Variants in SUSD1 observed in about 807,000 individuals in gnomAD.
SUSD1 encodes sushi domain containing 1, also known as sushi domain-containing protein 1.
Under a neutral mutation model 86.9 loss-of-function variants are expected in SUSD1, and 65 were observed. That is an observed-to-expected ratio of 0.75 (90% CI 0.61 to 0.92). The LOEUF is 0.92. Among genes scored for constraint, SUSD1 ranks in the 40% least tolerant of loss-of-function variants. The pLI, the probability that SUSD1 is intolerant of heterozygous loss-of-function variation, is 0.00. For missense variants in SUSD1, 850 were observed against 929.7 expected, an observed-to-expected ratio of 0.91 and a Z score of 1.11; for synonymous variants, 346 against 350.0, an observed-to-expected ratio of 0.99 and a Z score of 0.13.
intron 2 of SUSD1, among the ~76,000 whole-genome samples, chr9:112,156,476 T>C (rs960199468): frequency 2.0e-5 from 3 of 148,838 alleles, no homozygotes; most frequent in Admixed American, 6.7e-5. Context: ...AAAAAAAAAA[T>C]ACTCACTGAA....
chr9:112,172,641 A>G (rs1834093538), intron 1 of SUSD1, among the ~76,000 whole-genome samples: 1 of 152,124 alleles, frequency 6.6e-6, no homozygotes, highest in Non-Finnish European at 1.5e-5. Flanking sequence ...AACATATACC[A>G]AGTCACCCAG....
At chr9:112,170,528 T>G (rs937407467) in intron 1 of SUSD1, among the ~76,000 whole-genome samples, 15 of 151,938 alleles carry the variant, frequency 9.9e-5, no homozygotes, top group Admixed American at 9.2e-4. Context: ...AACACCCTCC[T>G]GCCATATCAA....
chr9:112,064,423 C>G (rs1344235082), intron 12 of SUSD1, among the ~76,000 whole-genome samples: 1 of 152,176 alleles, frequency 6.6e-6, no homozygotes, highest in Non-Finnish European at 1.5e-5. Flanking sequence ...CAATTTTATC[C>G]CGAAACCATC....
At chr9:112,143,205 C>T (rs374499682) in intron 4 of SUSD1, among the ~76,000 whole-genome samples, 3 of 151,496 alleles carry the variant, frequency 2.0e-5, no homozygotes, top group African/African-American at 7.3e-5. Context: ...AGGCTGGTCT[C>T]GAACTCCTGA....
chr9:112,103,108 G>T, intron 8 of SUSD1: 1 of 454,926 alleles, frequency 2.2e-6, no homozygotes, highest in Non-Finnish European at 4.5e-6. Flanking sequence ...GTCTACCAGA[G>T]AGAAGCTATT....
chr9:112,151,877 A>G (rs1833062788), intron 2 of SUSD1, among the ~76,000 whole-genome samples: 1 of 151,318 alleles, frequency 6.6e-6, no homozygotes, highest in Non-Finnish European at 1.5e-5. Flanking sequence ...TCTACTAAAA[A>G]TACAAAATTA....
At chr9:112,142,946 G>A (rs1589718131) in intron 4 of SUSD1, among the ~76,000 whole-genome samples, 1 of 73,240 alleles carries the variant, frequency 1.4e-5, no homozygotes, top group East Asian at 4.9e-4. Context: ...AATCCTTTAA[G>A]TTTATGAATT....
intron 15 of SUSD1, among the ~76,000 whole-genome samples, chr9:112,048,356 G>C (rs961853253): frequency 6.6e-6 from 1 of 151,946 alleles, no homozygotes; most frequent in Non-Finnish European, 1.5e-5. Context: ...AACTATAAAG[G>C]TTTAAAATGA....
intron 8 of SUSD1, among the ~76,000 whole-genome samples, chr9:112,103,641 T>G (rs1044466784): frequency 4.6e-5 from 7 of 152,154 alleles, no homozygotes; most frequent in African/African-American, 1.7e-4. Flanking sequence ...CGCCCAAGCC[T>G]GACAGAAGTG....
chr9:112,110,963 C>A (rs762723282), intron 8 of SUSD1, among the ~76,000 whole-genome samples: 1 of 151,994 alleles, frequency 6.6e-6, no homozygotes, highest in Non-Finnish European at 1.5e-5. Flanking sequence ...CTCTTTCACA[C>A]GCAAGAGCAA....
intron 8 of SUSD1, chr9:112,104,979 T>C (rs1212094989): frequency 2.0e-5 from 3 of 152,160 alleles, no homozygotes; most frequent in African/African-American, 7.2e-5. Context: ...ATCTGTTTCA[T>C]ACGGTTCAAT....
chr9:112,139,304 A>G (rs1288778188), intron 5 of SUSD1, among the ~76,000 whole-genome samples: 1 of 152,222 alleles, frequency 6.6e-6, no homozygotes, highest in Non-Finnish European at 1.5e-5. Context: ...ACTTATGAAT[A>G]TCAATGCAAG....
At chr9:112,086,375 A>G (rs1443531960) in intron 10 of SUSD1, among the ~76,000 whole-genome samples, 2 of 151,712 alleles carry the variant, frequency 1.3e-5, no homozygotes, top group African/African-American at 2.4e-5. Context: ...TTATCTCTCA[A>G]TCTCCCACAA....
intron 16 of SUSD1, 29 bp downstream of exon 16, chr9:112,041,838 C>A (rs761906814): frequency 1.2e-6 from 2 of 1,602,758 alleles, no homozygotes; most frequent in South Asian, 2.2e-5. Flanking sequence ...CCATTCCAGT[C>A]ATTTCTCAAA....
At chr9:112,077,288 C>T (rs1437225179) in intron 12 of SUSD1, among the ~76,000 whole-genome samples, 1 of 151,954 alleles carries the variant, frequency 6.6e-6, no homozygotes, top group Non-Finnish European at 1.5e-5. Flanking sequence ...CAAGGAGGAA[C>T]GGCAGGGCTG....
In SUSD1 at chr9:112,124,238, C is replaced by T. The variant is rs376503455; in HGVS notation, c.886+19G>A. The T allele has an allele frequency of 7.8e-5, 125 of 1,597,220 alleles. No homozygotes were observed. Among genetic ancestry groups the T allele is most frequent in the Middle Eastern group, 3.7e-4 (2 of 5,466 alleles). The stretch of plus-strand genomic sequence containing the variant: ...CTGTTTTGTTCCTGGGTAGCAGGAG[C>T]CCAGAACAGAATCTGTACCTGTGCA... On this transcript the variant is annotated intron_variant, in intron 6 of 16. Transcript: ENST00000374270.
At chr9:112,123,252 T>C (rs1049249174) in intron 6 of SUSD1, among the ~76,000 whole-genome samples, 8 of 152,126 alleles carry the variant, frequency 5.3e-5, no homozygotes, top group African/African-American at 1.9e-4. Context: ...TTGACAATCG[T>C]GGCAGAAGGT....
At chr9:112,091,951 C>T (rs1201304459) in intron 10 of SUSD1, among the ~76,000 whole-genome samples, 1 of 152,144 alleles carries the variant, frequency 6.6e-6, no homozygotes, top group Non-Finnish European at 1.5e-5. Flanking sequence ...CATTCATTGG[C>T]AGAGCAGATT....
intron 2 of SUSD1, among the ~76,000 whole-genome samples, chr9:112,150,712 C>T (rs568148226): frequency 6.6e-6 from 1 of 152,280 alleles, no homozygotes; most frequent in East Asian, 1.9e-4. Flanking sequence ...TGTTACTGTA[C>T]TGAATACCGT....
Sources: gnomAD v4.1 joint callset for allele counts (sites outside exome capture counted in the v4.1 genomes callset) on GRCh38, gnomAD v4.1.1 for gene constraint, MANE v1.5 for transcripts, NCBI Gene and HGNC (gene_info 2026-07-23, HGNC 2026-07-21) for gene names.